Variants in MIR2052HG observed in about 807,000 individuals in gnomAD.
MIR2052HG encodes the protein MIR2052 host gene.
At chr8:74,677,506 C>T (rs1809067830) in intron 2 of MIR2052HG, among the ~76,000 whole-genome samples, 1 of 151,948 alleles carries the variant, frequency 6.6e-6, no homozygotes, top group African/African-American at 2.4e-5. Context: ...ACATAGTCTA[C>T]CTCAGGGAAA....
intron 4 of MIR2052HG, among the ~76,000 whole-genome samples, chr8:74,745,997 A>G (rs891179272): frequency 2.6e-5 from 4 of 152,176 alleles, no homozygotes; most frequent in Admixed American, 2.0e-4. Flanking sequence ...TACTTGCTCA[A>G]GGTCACACAG....
intron 2 of MIR2052HG, among the ~76,000 whole-genome samples, chr8:74,613,750 G>C (rs560540153): frequency 1.3e-5 from 2 of 152,306 alleles, no homozygotes; most frequent in Admixed American, 1.3e-4. Context: ...GCCTCCCAAA[G>C]TGCTGAGATT....
chr8:74,712,316 G>T (rs1809476244), intron 4 of MIR2052HG, among the ~76,000 whole-genome samples: 1 of 152,258 alleles, frequency 6.6e-6, no homozygotes, highest in African/African-American at 2.4e-5. Flanking sequence ...TTGAGCAATG[G>T]TGAAGGCTGA....
At chr8:74,632,245 A>C (rs901357819) in intron 2 of MIR2052HG, among the ~76,000 whole-genome samples, 1 of 152,068 alleles carries the variant, frequency 6.6e-6, no homozygotes, top group Non-Finnish European at 1.5e-5. Flanking sequence ...CTTCTCCTGG[A>C]CCACAGCATG....
chr8:74,602,815 G>GCGTTTCTTTCTTTCTTTCTT (rs1554570004), intron 1 of MIR2052HG, among the ~76,000 whole-genome samples: 49 of 22,548 alleles, frequency 2.2e-3, no homozygotes, highest in African/African-American at 8.7e-3. Context: ...ATGCCCGGCC[G>GCGTTTCTTTCTTTCTTTCTT]TGTTTCTTTC....
intron 2 of MIR2052HG, among the ~76,000 whole-genome samples, chr8:74,648,537 T>C (rs559042896): frequency 6.8e-4 from 103 of 152,220 alleles, no homozygotes; most frequent in African/African-American, 2.3e-3. Context: ...GTACACCCAC[T>C]CCCCAGCAAA....
intron 2 of MIR2052HG, among the ~76,000 whole-genome samples, chr8:74,684,257 C>A (rs1809156126): frequency 7.8e-6 from 1 of 128,666 alleles, no homozygotes; most frequent in African/African-American, 2.9e-5. Flanking sequence ...CTGGTCTGGG[C>A]TCTACAAGCC....
At chr8:74,717,450 A>C (rs1459350613) in intron 4 of MIR2052HG, among the ~76,000 whole-genome samples, 1 of 152,220 alleles carries the variant, frequency 6.6e-6, no homozygotes, top group African/African-American at 2.4e-5. Flanking sequence ...TATTGTAAAC[A>C]GTGCTTTTGC....
chr8:74,644,488 T>C (rs1808670891), intron 2 of MIR2052HG, among the ~76,000 whole-genome samples: 1 of 152,178 alleles, frequency 6.6e-6, no homozygotes, highest in Middle Eastern at 3.2e-3. Flanking sequence ...GTTCGCACAA[T>C]GACAAAATCA....
chr8:74,659,661 G>T (rs1808841127), intron 2 of MIR2052HG, among the ~76,000 whole-genome samples: 1 of 152,246 alleles, frequency 6.6e-6, no homozygotes, highest in East Asian at 1.9e-4. Flanking sequence ...GCCCAGGCTG[G>T]TCTCAAACTC....
At position 74,603,508 on chromosome 8, in the gene MIR2052HG, G is replaced by GT. The variant is rs1224460146; in HGVS notation, n.128+3601dup. 2.6e-6 allele frequency: 4 copies of GT among 1,559,618 alleles called. No individual in the cohort carries two copies. In the African/African-American group the frequency reaches 4.1e-5, roughly 16 times the overall value. On this transcript the variant is annotated intron_variant and non_coding_transcript_variant, in intron 1 of 6. Transcript: ENST00000523442. The stretch of plus-strand genomic sequence containing the variant: ...GCAGCCAATCAAATCGTTTGGAATG[G>GT]TAAGTTCATGAGAAGTAGTCTGAGC...
At chr8:74,603,591 CTG>C (rs1808057924) in intron 1 of MIR2052HG, 1 of 1,547,040 alleles carries the variant, frequency 6.5e-7, no homozygotes, top group African/African-American at 1.4e-5. Flanking sequence ...GAAAATGAGA[CTG>C]TTGCATTGCC....
In MIR2052HG at chr8:74,672,361, G is replaced by A. The variant is rs1047869421; in HGVS notation, n.217-30018G>A. ...TGTGTAGGTAGTTTGTTGCCCTGGT[G>A]AATCATAGCATAATATTAGGATGAA... On this transcript the variant is annotated intron_variant and non_coding_transcript_variant, in intron 2 of 6. Transcript: ENST00000523442. Among the ~76,000 whole-genome samples the A allele has an allele frequency of 4.6e-5, 7 of 152,156 alleles. No homozygotes were observed. The East Asian group carries it at 1.4e-3, about 29-fold the overall frequency.
At chr8:74,668,960 C>A (rs1808961579) in intron 2 of MIR2052HG, among the ~76,000 whole-genome samples, 1 of 152,154 alleles carries the variant, frequency 6.6e-6, no homozygotes, top group African/African-American at 2.4e-5. Context: ...AGCTCTTGAT[C>A]TGAGAGCACT....
chr8:74,639,618 C>T (rs1444440728), intron 2 of MIR2052HG, among the ~76,000 whole-genome samples: 1 of 152,154 alleles, frequency 6.6e-6, no homozygotes, highest in Non-Finnish European at 1.5e-5. Flanking sequence ...TTGTTTTATC[C>T]TCATTGCTTA....
At chr8:74,710,836 A>C (rs1443115287) in intron 4 of MIR2052HG, among the ~76,000 whole-genome samples, 1 of 152,194 alleles carries the variant, frequency 6.6e-6, no homozygotes, top group Non-Finnish European at 1.5e-5. Flanking sequence ...AGGGAACTGT[A>C]TGAGTCACAA....
intron 2 of MIR2052HG, among the ~76,000 whole-genome samples, chr8:74,660,293 G>A (rs1808847934): frequency 6.6e-6 from 1 of 152,224 alleles, no homozygotes; most frequent in African/African-American, 2.4e-5. Flanking sequence ...TGCCCTAGCA[G>A]TCTGACTTAG....
rs78295409 is a variant in MIR2052HG, at chr8:74,642,645, T to C, written n.216+29705T>C. Among the ~76,000 whole-genome samples, 680 of 152,322 alleles carry C rather than the reference T, an allele frequency of 4.5e-3. 5 individuals are homozygous for C. The highest frequency in any genetic ancestry group is 0.016 in the African/African-American group (656 of 41,566). On this transcript the variant is annotated intron_variant and non_coding_transcript_variant, in intron 2 of 6. Coordinates refer to ENST00000523442, the Ensembl canonical transcript of MIR2052HG. ...AGTTGAATACAAGCAGCAGAGTCTTTAGAAGGCAGTACCACCAAGAATTAG... is the reference window on the plus strand; with the variant it reads ...AGTTGAATACAAGCAGCAGAGTCTTCAGAAGGCAGTACCACCAAGAATTAG...
At chr8:74,621,609 C>G (rs1054018240) in intron 2 of MIR2052HG, among the ~76,000 whole-genome samples, 3 of 152,166 alleles carry the variant, frequency 2.0e-5, no homozygotes. Context: ...TCTTGTGAGA[C>G]TCACTCATTA....
Sources: allele counts gnomAD v4.1 joint callset (sites outside exome capture counted in the v4.1 genomes callset), GRCh38; gene constraint gnomAD v4.1.1; transcripts MANE v1.5; gene names NCBI Gene and HGNC (gene_info 2026-07-23, HGNC 2026-07-21).